Variants in TM9SF4 observed in about 807,000 individuals in gnomAD.
TM9SF4 encodes the protein transmembrane 9 superfamily member 4.
Under a neutral mutation model 90.4 loss-of-function variants are expected in TM9SF4, and 26 were observed. That is an observed-to-expected ratio of 0.29 (90% confidence interval 0.21 to 0.40). The LOEUF (loss-of-function observed/expected upper bound fraction) is 0.40, where lower values mean the gene tolerates loss of function less well. TM9SF4 is among the 10% of genes least tolerant of loss of function. The pLI, the probability that TM9SF4 is intolerant of heterozygous loss-of-function variation, is 1.00. For synonymous variants in TM9SF4, 293 were observed against 315.4 expected (o/e 0.93, Z 0.75); for missense variants, 549 against 834.8 (o/e 0.66, Z 4.22).
intron 10 of TM9SF4, among the ~76,000 whole-genome samples, chr20:32,150,126 C>T (rs1010280427): frequency 4.6e-5 from 7 of 152,204 alleles, no homozygotes; most frequent in African/African-American, 1.4e-4. Flanking sequence ...AACAAAAACC[C>T]CACTAATATA....
intron 3 of TM9SF4, chr20:32,136,761 C>G: frequency 2.2e-6 from 1 of 451,692 alleles, no homozygotes; most frequent in Non-Finnish European, 4.7e-6. Flanking sequence ...GGTGTCTAGT[C>G]GTACACAGTT....
intron 1 of TM9SF4, chr20:32,110,102 A>C: frequency 8.7e-7 from 1 of 1,149,440 alleles, no homozygotes; most frequent in Non-Finnish European, 1.1e-6. Flanking sequence ...CCCTCCCGTT[A>C]TTCTCATCCT....
At chr20:32,157,998 G>A in intron 14 of TM9SF4, 29 bp downstream of exon 14, 1 of 1,612,924 alleles carries the variant, frequency 6.2e-7, no homozygotes, top group Non-Finnish European at 8.5e-7. Context: ...GCAAGAGCAG[G>A]GGAACGTGGA....
chr20:32,148,614 T>C (rs1048488600), intron 9 of TM9SF4, among the ~76,000 whole-genome samples: 1 of 151,846 alleles, frequency 6.6e-6, no homozygotes, highest in Non-Finnish European at 1.5e-5. Flanking sequence ...TCTATTATTT[T>C]TCTAAGGCAA....
At chr20:32,164,888 A>G (rs180683773) in intron 17 of TM9SF4, among the ~76,000 whole-genome samples, 74 of 152,236 alleles carry the variant, frequency 4.9e-4, no homozygotes, top group Admixed American at 1.1e-3. Flanking sequence ...AGAGGAATGA[A>G]TGGAGGCTGA....
At chr20:32,164,181 G>A (rs544254984) in intron 17 of TM9SF4, among the ~76,000 whole-genome samples, 2 of 151,892 alleles carry the variant, frequency 1.3e-5, no homozygotes, top group African/African-American at 4.8e-5. Flanking sequence ...TCTGCTCCTT[G>A]TCCCTCCCCC....
chr20:32,160,454 G>A (rs1289717648), intron 16 of TM9SF4, among the ~76,000 whole-genome samples: 1 of 152,180 alleles, frequency 6.6e-6, no homozygotes. Context: ...CTGGCCATTG[G>A]CAGAGTGGGT....
chr20:32,141,700 C>T (rs1012652606), intron 4 of TM9SF4, 35 bp downstream of exon 4: 5 of 1,613,186 alleles, frequency 3.1e-6, no homozygotes, highest in Admixed American at 3.3e-5. Context: ...GCCTCAGGCT[C>T]ACACAGGGGA....
rs1272218588 is a variant in TM9SF4 at position 32,146,861 on chromosome 20, A to T, written c.954+6A>T. 2.5e-6 allele frequency: 4 copies of T among 1,612,970 alleles called. No homozygotes were observed. The South Asian group carries it at 3.3e-5, about 13-fold the overall frequency. On this transcript the variant is annotated splice_donor_region_variant and intron_variant, in intron 9 of 17. Coordinates refer to ENST00000398022, the MANE Select transcript of TM9SF4 (RefSeq NM_014742.4). The stretch of plus-strand genomic sequence containing the variant: ...ACAACAAGGAGGATGACATTGTACG[A>T]GGTCTTGGCTGGGGAGGGATGAAGT...
rs1352931355 is a variant in TM9SF4, at chr20:32,159,832, C to A, written c.1570-160C>A. The A allele has an allele frequency of 5.0e-6, 5 of 999,676 alleles. No homozygotes were observed. The South Asian group carries it at 6.1e-5, about 12-fold the overall frequency. 61.9% of individuals were successfully genotyped at this position (999,676 alleles called of 1,614,324 possible). On this transcript the variant is annotated intron_variant, in intron 15 of 17. Transcript: ENST00000398022. ...CCTCCCTAAGGACAGTGTGGCTCAC[C>A]CCCTGCTCTGGGGAAGAGGGGCCAG...
intron 1 of TM9SF4, among the ~76,000 whole-genome samples, chr20:32,127,385 A>C (rs528901243): frequency 6.6e-6 from 1 of 152,184 alleles, no homozygotes; most frequent in South Asian, 2.1e-4. Context: ...AAGTTACTTA[A>C]CTTCTGGGTC....
intron 1 of TM9SF4, among the ~76,000 whole-genome samples, chr20:32,121,880 G>A (rs1569048819): frequency 2.0e-5 from 3 of 147,732 alleles, no homozygotes; most frequent in South Asian, 4.3e-4. Context: ...CGGGCGGGGG[G>A]CTGACCCCCC....
chr20:32,152,428 C>T (rs2046856526), intron 12 of TM9SF4, among the ~76,000 whole-genome samples: 1 of 151,448 alleles, frequency 6.6e-6, no homozygotes, highest in African/African-American at 2.4e-5. Context: ...TGCCTATCCT[C>T]CTCCTTCCTC....
intron 9 of TM9SF4, 131 bp downstream of exon 9, chr20:32,146,986 T>C: frequency 1.3e-6 from 1 of 784,082 alleles, no homozygotes; most frequent in East Asian, 3.2e-5. Flanking sequence ...AGTATACTTT[T>C]TTTTTTTTTT....
intron 6 of TM9SF4, among the ~76,000 whole-genome samples, chr20:32,144,071 A>C (rs925290250): frequency 1.5e-4 from 23 of 151,832 alleles, no homozygotes; most frequent in Non-Finnish European, 2.9e-4. Context: ...TCAGCCTCCT[A>C]AGTAGCTAGG....
chr20:32,165,288 G>T lies in TM9SF4; in HGVS notation c.1780-7G>T, dbSNP rs1600355746. On this transcript the variant is annotated splice_polypyrimidine_tract_variant and splice_region_variant and intron_variant, in intron 17 of 17. Transcript: ENST00000398022. The stretch of plus-strand genomic sequence containing the variant: ...GCACCCTGTCTTCTTTCTGCTCGTG[G>T]CCGCAGCTGGACATCGTGGAGTTCA... 1.9e-6 allele frequency: 3 copies of T among 1,614,028 alleles called. No homozygotes were observed. The East Asian group carries it at 6.7e-5, about 36-fold the overall frequency.
At chr20:32,121,418 T>G (rs960612070) in intron 1 of TM9SF4, among the ~76,000 whole-genome samples, 8 of 152,010 alleles carry the variant, frequency 5.3e-5, no homozygotes, top group Non-Finnish European at 1.2e-4. Context: ...ATGAGCATGC[T>G]GCCTTCAAGC....
intron 12 of TM9SF4, among the ~76,000 whole-genome samples, chr20:32,153,684 C>T (rs890969654): frequency 7.2e-5 from 11 of 152,134 alleles, no homozygotes; most frequent in Non-Finnish European, 2.9e-5. Context: ...TTTGAGGCTG[C>T]GGTGAGCTAT....
intron 17 of TM9SF4, among the ~76,000 whole-genome samples, chr20:32,162,335 C>T (rs987453788): frequency 1.3e-5 from 2 of 152,216 alleles, no homozygotes; most frequent in South Asian, 4.1e-4. Flanking sequence ...TAGTGTAGTG[C>T]TGTACCCCTA....
Sources: gnomAD v4.1 joint callset for allele counts (sites outside exome capture counted in the v4.1 genomes callset) on GRCh38, gnomAD v4.1.1 for gene constraint, MANE v1.5 for transcripts, NCBI Gene and HGNC (gene_info 2026-07-23, HGNC 2026-07-21) for gene names.